The following HADHA variants were observed in gnomAD, a reference collection of about 807,000 sequenced individuals.
The protein encoded by HADHA is hydroxyacyl-CoA dehydrogenase trifunctional multienzyme complex subunit alpha, also known as trifunctional enzyme subunit alpha, mitochondrial.
Under a neutral mutation model 91.3 loss-of-function variants are expected in HADHA, and 59 were observed. That is an observed-to-expected ratio of 0.65 (90% CI 0.52 to 0.80). The LOEUF is 0.80. Ranked by LOEUF, HADHA falls within the 30% of genes least tolerant of loss-of-function variation. The pLI, the probability that HADHA is intolerant of heterozygous loss-of-function variation, is 0.00. For synonymous variants in HADHA, 320 were observed against 338.9 expected, an observed-to-expected ratio of 0.94 and a Z score of 0.61; for missense variants, 800 against 927.6, an observed-to-expected ratio of 0.86 and a Z score of 1.79.
At chr2:26,228,670 G>A (rs986653187) in intron 7 of HADHA, among the ~76,000 whole-genome samples, 20 of 151,906 alleles carry the variant, frequency 1.3e-4, no homozygotes, top group African/African-American at 4.3e-4. Context: ...TACCAGAAAT[G>A]TTTAAAAATT....
At chr2:26,202,246 A>G (rs760598086) in intron 12 of HADHA, among the ~76,000 whole-genome samples, 1 of 152,298 alleles carries the variant, frequency 6.6e-6, no homozygotes, top group South Asian at 2.1e-4. Flanking sequence ...GCAGAAAAGG[A>G]TTCCTGTTAT....
chr2:26,217,489 TA>T (rs372231497), intron 7 of HADHA, among the ~76,000 whole-genome samples: 3 of 151,968 alleles, frequency 2.0e-5, no homozygotes, highest in Admixed American at 1.3e-4. Flanking sequence ...ATAATAACTT[TA>T]AAAAAAATCC....
At chr2:26,239,675 G>A (rs997575244) in intron 1 of HADHA, among the ~76,000 whole-genome samples, 8 of 151,498 alleles carry the variant, frequency 5.3e-5, no homozygotes, top group South Asian at 2.1e-4. Context: ...GGAAGAGAAG[G>A]CACAAAAAAT....
At chr2:26,236,427 CT>C (rs1262873363) in intron 4 of HADHA, among the ~76,000 whole-genome samples, 1,465 of 65,432 alleles carry the variant, frequency 0.022, 44 homozygotes, top group African/African-American at 0.063. Context: ...TGTGTATATA[CT>C]TTTTTTTTTT....
intron 1 of HADHA, among the ~76,000 whole-genome samples, chr2:26,244,227 A>G (rs1006475858): frequency 1.7e-4 from 26 of 152,262 alleles, no homozygotes; most frequent in African/African-American, 2.4e-5. Flanking sequence ...TCAAGAAAAT[A>G]TGAGGGGCGT....
chr2:26,221,623 C>T lies in HADHA; in HGVS notation c.677-6448G>A, dbSNP rs55987355. On this transcript the variant is annotated intron_variant, in intron 7 of 19. Transcript: ENST00000380649. This position sits in a 1 kb window ranked among gnomAD's most constrained non-coding sequence, Gnocchi z 4.8. Reference sequence around the variant, plus strand: ...ATGAGGAAGTAGCCAAAATACCCCACGGCCCTGTTCTTCTTTGTCTCTTCC... The same window carrying T: ...ATGAGGAAGTAGCCAAAATACCCCATGGCCCTGTTCTTCTTTGTCTCTTCC... Among the ~76,000 whole-genome samples the T allele has an allele frequency of 2.9e-3, 443 of 152,322 alleles. 1 individual carries two copies. The highest frequency in any genetic ancestry group is 0.01 in the African/African-American group (424 of 41,570).
At chr2:26,192,781 T>C (rs1669548202) in intron 17 of HADHA, among the ~76,000 whole-genome samples, 1 of 152,150 alleles carries the variant, frequency 6.6e-6, no homozygotes, top group South Asian at 2.1e-4. Context: ...CTGAGAATTC[T>C]TGTCTCTGTT....
At chr2:26,232,130 A>G (rs753112801) in intron 6 of HADHA, 30 bp downstream of exon 6, 17 of 1,560,622 alleles carry the variant, frequency 1.1e-5, no homozygotes, top group Non-Finnish European at 1.1e-5. Flanking sequence ...AAGAGGGCAT[A>G]TAGCTTCACA....
intron 1 of HADHA, 77 bp from the exon 2 acceptor site, chr2:26,239,220 T>A (rs942972038): frequency 1.0e-6 from 1 of 976,438 alleles, no homozygotes; most frequent in African/African-American, 1.6e-5. Flanking sequence ...AAGCTGTAAT[T>A]TACAATAATA....
At chr2:26,226,067 TA>T (rs996325821) in intron 7 of HADHA, among the ~76,000 whole-genome samples, 18 of 152,220 alleles carry the variant, frequency 1.2e-4, no homozygotes, top group African/African-American at 4.3e-4. Context: ...AAATTAAAGT[TA>T]AAAAAGTAAA....
rs374024980 is a variant in HADHA at position 26,224,253 on chromosome 2, T to C, written c.676+5939A>G. 3.9e-4 allele frequency among the ~76,000 whole-genome samples: 59 copies of C among 152,338 alleles called. No individual in the cohort carries two copies. The South Asian group carries it at 0.012, about 32-fold the overall frequency. ...AAAAAGGAGCTGGCACTTTCTTTGGTTTTTAGCCTTTTGTGTAAACTATCA... is the reference window on the plus strand; with the variant it reads ...AAAAAGGAGCTGGCACTTTCTTTGGCTTTTAGCCTTTTGTGTAAACTATCA... On this transcript the variant is annotated intron_variant, in intron 7 of 19. Coordinates refer to ENST00000380649, the MANE Select transcript of HADHA (RefSeq NM_000182.5).
At chr2:26,236,440 A>C (rs1348010236) in intron 4 of HADHA, among the ~76,000 whole-genome samples, 2 of 131,684 alleles carry the variant, frequency 1.5e-5, no homozygotes, top group African/African-American at 2.8e-5. Flanking sequence ...TTTTTTTTTA[A>C]GACAGTCTCA....
At chr2:26,212,390 T>G in intron 10 of HADHA, 180 bp downstream of exon 10, 1 of 643,496 alleles carries the variant, frequency 1.6e-6, no homozygotes, top group Non-Finnish European at 2.9e-6. Context: ...CCTGGCCCCA[T>G]TAGGGTATTC....
intron 11 of HADHA, among the ~76,000 whole-genome samples, chr2:26,206,726 G>A (rs1049060482): frequency 1.3e-5 from 2 of 152,120 alleles, no homozygotes; most frequent in African/African-American, 4.8e-5. Context: ...ATGCTGTGAT[G>A]AACAGCTATA....
At chr2:26,232,397 A>C in intron 5 of HADHA, 118 bp from the exon 6 acceptor site, 1 of 744,170 alleles carries the variant, frequency 1.3e-6, no homozygotes, top group Non-Finnish European at 2.4e-6. Context: ...AATAAACTGA[A>C]ATTCCTTAGG....
At chr2:26,232,052 T>C (rs577570801) in intron 6 of HADHA, 108 bp downstream of exon 6, 7 of 825,826 alleles carry the variant, frequency 8.5e-6, no homozygotes, top group Admixed American at 5.1e-5. Context: ...TACACTCATA[T>C]TTTATTTGGT....
chr2:26,204,120 T>G lies in HADHA; in HGVS notation c.1162A>C (p.Ile388Leu), dbSNP rs370054250. 1.9e-6 allele frequency: 3 copies of G among 1,613,744 alleles called. No individual in the cohort carries two copies. In the African/African-American group the frequency reaches 4.0e-5, roughly 22 times the overall value. ...QVSVDKGLKT[I>L]LKDATLTALD... The stretch of plus-strand genomic sequence containing the variant: ...GCAGTGAGGGTGGCATCTTTAAGTA[T>G]AGTCTTTAGCCCCTTATCCACGGAG... The change falls in exon 12 of 20, where the codon ATA becomes CTA. Residue 388 changes from isoleucine (I) to leucine (L), a missense_variant. Coordinates refer to ENST00000380649, the MANE Select transcript of HADHA (RefSeq NM_000182.5).
chr2:26,219,253 C>G (rs1171984970), intron 7 of HADHA, among the ~76,000 whole-genome samples: 1 of 151,622 alleles, frequency 6.6e-6, no homozygotes, highest in Non-Finnish European at 1.5e-5. Context: ...CTCAGCCTCC[C>G]AAGTAGCTGG....
chr2:26,202,453 C>T (rs1669869764), intron 12 of HADHA, among the ~76,000 whole-genome samples: 1 of 152,088 alleles, frequency 6.6e-6, no homozygotes, highest in South Asian at 2.1e-4. Flanking sequence ...CAAAGAAGGT[C>T]TTAAGGGCTG....
Sources: gnomAD v4.1 joint callset for allele counts (sites outside exome capture counted in the v4.1 genomes callset) on GRCh38, gnomAD v4.1.1 for gene constraint, Gnocchi (gnomAD v3.1) non-coding constraint, MANE v1.5 for transcripts, NCBI Gene and HGNC (gene_info 2026-07-23, HGNC 2026-07-21) for gene names.